SORBS2: variants seen among roughly 807,000 people sequenced by gnomAD.
SORBS2 encodes sorbin and SH3 domain-containing protein 2.
SORBS2 carries 46 observed loss-of-function variants against 97.7 expected under a neutral mutation model. That is an observed-to-expected ratio of 0.47 (90% confidence interval 0.37 to 0.60). The LOEUF (loss-of-function observed/expected upper bound fraction) is 0.60, where lower values mean the gene tolerates loss of function less well. Among genes scored for constraint, SORBS2 ranks in the 20% least tolerant of loss-of-function variants. The pLI, the probability that SORBS2 is intolerant of heterozygous loss-of-function variation, is 0.00. For synonymous variants in SORBS2, 476 were observed against 473.4 expected (o/e 1.01, Z -0.07); for missense variants, 1,316 against 1,282.3 (o/e 1.03, Z -0.40).
intron 1 of SORBS2, among the ~76,000 whole-genome samples, chr4:185,780,079 A>C (rs2153633794): frequency 6.9e-6 from 1 of 145,320 alleles, no homozygotes; most frequent in East Asian, 2.1e-4. Flanking sequence ...GCAATAGCAC[A>C]ATCTCGGCTC....
At chr4:185,902,895 A>G (rs2099248482) in intron 1 of SORBS2, among the ~76,000 whole-genome samples, 1 of 152,178 alleles carries the variant, frequency 6.6e-6, no homozygotes, top group Admixed American at 6.5e-5. Context: ...GGCAAAGTAA[A>G]TAAAAGCTCT....
At chr4:185,698,139 A>G (rs2098204434) in intron 2 of SORBS2, among the ~76,000 whole-genome samples, 1 of 152,174 alleles carries the variant, frequency 6.6e-6, no homozygotes, top group Non-Finnish European at 1.5e-5. Flanking sequence ...CTCCTAGCAA[A>G]TAATAGGCAT....
intron 1 of SORBS2, among the ~76,000 whole-genome samples, chr4:185,855,481 C>T (rs2099220230): frequency 6.6e-6 from 1 of 151,900 alleles, no homozygotes. Flanking sequence ...ACTTGAAATC[C>T]CTGGAGGGAA....
intron 1 of SORBS2, chr4:185,918,060 A>G (rs1262902194): frequency 1.3e-5 from 2 of 152,224 alleles, no homozygotes; most frequent in African/African-American, 4.8e-5. Flanking sequence ...TTCTAACAGT[A>G]TAGCTTATTT....
At chr4:185,813,461 TCCTCACCGCTTCAGATCGCCTCCAGCCA>T in intron 1 of SORBS2, among the ~76,000 whole-genome samples, 1 of 151,908 alleles carries the variant, frequency 6.6e-6, no homozygotes, top group Non-Finnish European at 1.5e-5. Flanking sequence ...CTTGGGAGAG[TCCTCACCGCTTCAGATCGCCTCCAGCCA>T]GCCTACCTTT....
rs186891655 is a variant in SORBS2 at position 185,703,188 on chromosome 4, A to G, written c.-197-24366T>C. ...CAGTGCCCTACCCTTGAGCTTCTCA[A>G]TTTTAGAATTTGATCGTTCCTAAAA... On this transcript the variant is annotated intron_variant, in intron 2 of 20. Coordinates refer to the SORBS2 transcript ENST00000284776. Among the ~76,000 whole-genome samples, 485 of 152,294 alleles carry G rather than the reference A, an allele frequency of 3.2e-3. 3 individuals are homozygous for G. The highest frequency in any genetic ancestry group is 0.011 in the African/African-American group (459 of 41,556).
chr4:185,661,992 G>T, intron 5 of SORBS2, 112 bp downstream of exon 8: 3 of 1,172,834 alleles, frequency 2.6e-6, no homozygotes, highest in Middle Eastern at 2.8e-4. Flanking sequence ...CTGGGGATAG[G>T]GTCATGAGTG....
At chr4:185,826,769 G>C (rs534926776) in intron 1 of SORBS2, among the ~76,000 whole-genome samples, 35 of 152,296 alleles carry the variant, frequency 2.3e-4, no homozygotes, top group African/African-American at 5.5e-4. Context: ...ACAGTAAAAT[G>C]GGAATCAGAA....
At chr4:185,871,804 T>C (rs940740763) in intron 1 of SORBS2, among the ~76,000 whole-genome samples, 6 of 152,192 alleles carry the variant, frequency 3.9e-5, no homozygotes, top group Non-Finnish European at 7.3e-5. Context: ...TGTGCTGGCT[T>C]TCTAGATCTG....
intron 1 of SORBS2, among the ~76,000 whole-genome samples, chr4:185,880,885 G>A (rs534552841): frequency 8.5e-5 from 13 of 152,254 alleles, no homozygotes; most frequent in African/African-American, 2.6e-4. Context: ...TATTGTCTGT[G>A]GTAGGCATAA....
At chr4:185,756,657 T>C (rs28682410) in intron 2 of SORBS2, among the ~76,000 whole-genome samples, 28,107 of 151,848 alleles carry the variant, frequency 0.19, 2,770 homozygotes, top group Middle Eastern at 0.27. Flanking sequence ...GCTTCCATTT[T>C]TTTTTGGCAT....
At chr4:185,941,130 T>C (rs2099271792) in intron 1 of SORBS2, among the ~76,000 whole-genome samples, 1 of 152,236 alleles carries the variant, frequency 6.6e-6, no homozygotes, top group Non-Finnish European at 1.5e-5. Context: ...ATAATAATAA[T>C]TAACATGTAT....
intron 2 of SORBS2, among the ~76,000 whole-genome samples, chr4:185,731,264 G>C (rs181799177): frequency 5.3e-5 from 8 of 152,268 alleles, no homozygotes; most frequent in Admixed American, 1.3e-4. Flanking sequence ...TCATGCAAAT[G>C]AGGAAGCTCA....
chr4:185,667,675 C>A (rs2097638423), intron 4 of SORBS2, among the ~76,000 whole-genome samples: 1 of 57,088 alleles, frequency 1.8e-5, no homozygotes, highest in South Asian at 9.3e-4. Context: ...TAAACATAGT[C>A]ATTTTAAATG....
chr4:185,618,616 C>G (rs1317983070), exon 9 of SORBS2: 1 of 1,537,650 alleles, frequency 6.5e-7, no homozygotes, highest in Non-Finnish European at 8.9e-7. Flanking sequence ...TCATAAACAG[C>G]TTTTGCAGGC....
At chr4:185,789,091 C>T (rs987224876) in intron 1 of SORBS2, among the ~76,000 whole-genome samples, 3 of 152,136 alleles carry the variant, frequency 2.0e-5, no homozygotes, top group South Asian at 2.1e-4. Flanking sequence ...TTCTTTGGGG[C>T]GTTTGACTTA....
chr4:185,915,926 G>A (rs185159962), intron 1 of SORBS2, among the ~76,000 whole-genome samples: 3 of 152,324 alleles, frequency 2.0e-5, no homozygotes, highest in South Asian at 4.2e-4. Context: ...ACTGAAGACT[G>A]TGGTGTTAAC....
chr4:185,821,997 GA>G lies in SORBS2; in HGVS notation c.-337-46632del, dbSNP rs1450414765. The stretch of plus-strand genomic sequence containing the variant: ...CACTATTTTATGTTCCACCAAAAAG[GA>G]AAAAAACTGCTGCCAATGAAATTGT... On this transcript the variant is annotated intron_variant, in intron 1 of 20. Transcript: ENST00000284776. 3.9e-5 allele frequency among the ~76,000 whole-genome samples: 6 copies of G among 152,190 alleles called. No individual in the cohort carries two copies. The South Asian group carries it at 8.3e-4, about 21-fold the overall frequency.
At chr4:185,943,018 T>C (rs1014396620) in intron 1 of SORBS2, among the ~76,000 whole-genome samples, 19 of 152,384 alleles carry the variant, frequency 1.2e-4, no homozygotes, top group African/African-American at 4.1e-4. Flanking sequence ...ATAATCTGTT[T>C]GATATCATCT....
Sources: gnomAD v4.1 joint callset for allele counts (sites outside exome capture counted in the v4.1 genomes callset) on GRCh38, gnomAD v4.1.1 for gene constraint, MANE v1.5 for transcripts, NCBI Gene and HGNC (gene_info 2026-07-23, HGNC 2026-07-21) for gene names.